KCNMA1: variants seen among roughly 807,000 people sequenced by gnomAD.
KCNMA1 encodes the protein Calcium-activated potassium channel subunit alpha-1.
Under a neutral mutation model 140.0 loss-of-function variants are expected in KCNMA1, and 29 were observed. That is an observed-to-expected ratio of 0.21 (90% confidence interval 0.15 to 0.28). KCNMA1 has a LOEUF of 0.28. KCNMA1 is among the 10% of genes least tolerant of loss of function. The pLI, the probability that KCNMA1 is intolerant of heterozygous loss-of-function variation, is 1.00. For missense variants in KCNMA1, 880 were observed against 1,602.2 expected (o/e 0.55, Z 7.70); for synonymous variants, 612 against 611.9 (o/e 1.00, Z 0.00).
At chr10:77,231,468 CA>C (rs1472529979) in intron 3 of KCNMA1, among the ~76,000 whole-genome samples, 1 of 152,208 alleles carries the variant, frequency 6.6e-6, no homozygotes, top group African/African-American at 2.4e-5. Context: ...TGAAACTTTG[CA>C]AACCAACTCT....
intron 1 of KCNMA1, among the ~76,000 whole-genome samples, chr10:77,448,531 G>C (rs773166951): frequency 6.6e-6 from 1 of 152,058 alleles, no homozygotes; most frequent in Non-Finnish European, 1.5e-5. Context: ...ATCAAGACTC[G>C]CAACATCATA....
intron 17 of KCNMA1, among the ~76,000 whole-genome samples, chr10:77,013,416 T>C (rs888529952): frequency 6.6e-6 from 1 of 152,050 alleles, no homozygotes; most frequent in African/African-American, 2.4e-5. Flanking sequence ...CTGTCATCTA[T>C]GTCTCAAAAA....
At chr10:77,142,833 C>T (rs1241364903) in intron 5 of KCNMA1, among the ~76,000 whole-genome samples, 1 of 151,996 alleles carries the variant, frequency 6.6e-6, no homozygotes, top group Non-Finnish European at 1.5e-5. Context: ...ATGAAATGAA[C>T]AAATTCCTTT....
intron 1 of KCNMA1, among the ~76,000 whole-genome samples, chr10:77,585,164 T>C (rs777957297): frequency 1.3e-5 from 2 of 152,182 alleles, no homozygotes; most frequent in Admixed American, 6.5e-5. Context: ...CGAAAACACA[T>C]GCCTGCTCTC....
intron 14 of KCNMA1, among the ~76,000 whole-genome samples, chr10:77,057,244 A>G (rs141633301): frequency 6.6e-6 from 1 of 152,288 alleles, no homozygotes; most frequent in East Asian, 1.9e-4. Context: ...CTCATCAGAA[A>G]CAATGGAGGC....
At chr10:77,418,180 C>G (rs2096784580) in intron 1 of KCNMA1, among the ~76,000 whole-genome samples, 1 of 152,158 alleles carries the variant, frequency 6.6e-6, no homozygotes, top group Non-Finnish European at 1.5e-5. Flanking sequence ...ACTTCTTTTT[C>G]CATTGGATTC....
intron 1 of KCNMA1, among the ~76,000 whole-genome samples, chr10:77,632,304 G>A (rs1224907739): frequency 6.6e-6 from 1 of 152,182 alleles, no homozygotes; most frequent in African/African-American, 2.4e-5. Flanking sequence ...GGTAGACAGT[G>A]AGTGTCCTGG....
At chr10:77,364,432 C>G (rs1172915198) in intron 2 of KCNMA1, among the ~76,000 whole-genome samples, 1 of 151,158 alleles carries the variant, frequency 6.6e-6, no homozygotes, top group African/African-American at 2.4e-5. Flanking sequence ...GCTTGGGTAA[C>G]AGAGCAAAGC....
At chr10:77,527,218 C>T (rs1182095778) in intron 1 of KCNMA1, among the ~76,000 whole-genome samples, 1 of 152,246 alleles carries the variant, frequency 6.6e-6, no homozygotes, top group African/African-American at 2.4e-5. Context: ...TCTGGGCCAG[C>T]TCCCACAGGA....
intron 2 of KCNMA1, among the ~76,000 whole-genome samples, chr10:77,374,188 C>T (rs539210633): frequency 1.2e-4 from 19 of 152,318 alleles, no homozygotes; most frequent in African/African-American, 4.6e-4. Context: ...GCTCTGACTA[C>T]CAGAGTCCTG....
intron 25 of KCNMA1, among the ~76,000 whole-genome samples, chr10:76,894,728 A>C (rs1418877251): frequency 6.6e-6 from 1 of 152,242 alleles, no homozygotes; most frequent in Non-Finnish European, 1.5e-5. Flanking sequence ...GAGGCTCAAC[A>C]GCTCTAGTCA....
In KCNMA1 at chr10:76,913,833, G is replaced by A. The variant is rs80018326; in HGVS notation, c.3016+1103C>T. 1,611 of 515,286 alleles carry A rather than the reference G, an allele frequency of 3.1e-3. 25 individuals carry two copies. The highest frequency in any genetic ancestry group is 0.028 in the African/African-American group (1,489 of 52,312). The allele number at this position is 515,286 out of a possible 1,614,324, so 31.9% of individuals were successfully genotyped here. A position where few individuals can be genotyped will look rare whatever the true frequency, so the allele number is the denominator to read the frequency against. ...GAAACAACTGCCAGGTCAGATGGGTGTGATCAAAGGTTTACTGATGCTGTG... is the reference window on the plus strand; with the variant it reads ...GAAACAACTGCCAGGTCAGATGGGTATGATCAAAGGTTTACTGATGCTGTG... On this transcript the variant is annotated intron_variant, in intron 24 of 27. Transcript: ENST00000286628.
At chr10:77,141,949 T>C (rs775095723) in intron 5 of KCNMA1, among the ~76,000 whole-genome samples, 1 of 152,240 alleles carries the variant, frequency 6.6e-6, no homozygotes, top group Non-Finnish European at 1.5e-5. Context: ...TGCTGGGTAC[T>C]GGGTATTTGC....
intron 1 of KCNMA1, among the ~76,000 whole-genome samples, chr10:77,600,763 ACACATG>A (rs751362048): frequency 5.2e-4 from 78 of 150,480 alleles, no homozygotes; most frequent in Non-Finnish European, 1.0e-3. Context: ...ACACACACAC[ACACATG>A]CACACACACA....
intron 19 of KCNMA1, among the ~76,000 whole-genome samples, chr10:76,986,161 C>G (rs1017508205): frequency 2.0e-5 from 3 of 152,138 alleles, no homozygotes; most frequent in African/African-American, 7.2e-5. Flanking sequence ...GTAGCCCATT[C>G]AGCTGATGGG....
chr10:76,915,607 A>C (rs1367028089), intron 23 of KCNMA1, among the ~76,000 whole-genome samples: 1 of 152,046 alleles, frequency 6.6e-6, no homozygotes, highest in African/African-American at 2.4e-5. Flanking sequence ...AGCCGCTGAG[A>C]TTTGTTTGTT....
At chr10:77,126,732 C>CA in intron 5 of KCNMA1, among the ~76,000 whole-genome samples, 1 of 144,306 alleles carries the variant, frequency 6.9e-6, no homozygotes, top group African/African-American at 2.5e-5. Context: ...CCCACCCCCC[C>CA]CCCACCACCA....
chr10:77,472,463 C>G (rs989694809), intron 1 of KCNMA1, among the ~76,000 whole-genome samples: 6 of 150,456 alleles, frequency 4.0e-5, no homozygotes, highest in African/African-American at 9.8e-5. Context: ...CACACACACA[C>G]AGAGAGCATA....
At chr10:77,190,171 C>G (rs1598333081) in intron 3 of KCNMA1, among the ~76,000 whole-genome samples, 1 of 152,208 alleles carries the variant, frequency 6.6e-6, no homozygotes, top group East Asian at 1.9e-4. Context: ...CTACTTGTGC[C>G]CTCATTGACC....
Sources: gnomAD v4.1 joint callset for allele counts (sites outside exome capture counted in the v4.1 genomes callset) on GRCh38, gnomAD v4.1.1 for gene constraint, MANE v1.5 for transcripts, NCBI Gene and HGNC (gene_info 2026-07-23, HGNC 2026-07-21) for gene names.